Variants in CLIP2 observed in about 807,000 individuals in gnomAD.
CLIP2 encodes CAP-Gly domain-containing linker protein 2.
Under a neutral mutation model 111.7 loss-of-function variants are expected in CLIP2, and 41 were observed. The observed-to-expected ratio is 0.37, with a 90% CI of 0.29 to 0.48. CLIP2 has a LOEUF of 0.48. CLIP2 is among the 20% of genes least tolerant of loss of function. CLIP2 has a pLI of 0.99. For missense variants in CLIP2, 1,160 were observed against 1,422.1 expected (o/e 0.82, Z 2.96); for synonymous variants, 660 against 644.2 (o/e 1.02, Z -0.37).
intron 1 of CLIP2, among the ~76,000 whole-genome samples, chr7:74,294,074 G>A (rs570094703): frequency 3.0e-4 from 45 of 152,160 alleles, no homozygotes; most frequent in Middle Eastern, 3.4e-3. Flanking sequence ...GCGCCACCAC[G>A]CCTGGCTAAT....
At position 74,343,239 on chromosome 7, in the gene CLIP2, A is replaced by G. The variant is rs1035256131; in HGVS notation, c.678+4235A>G. ...GAGTGGAGCAGGAACGGCAGGGCCC[A>G]GGAAGGAGGCTGGACTCCTGGACCC... On this transcript the variant is annotated intron_variant, in intron 3 of 16. Coordinates refer to ENST00000223398, the MANE Select transcript of CLIP2 (RefSeq NM_003388.5). 4.0e-5 allele frequency among the ~76,000 whole-genome samples: 6 copies of G among 151,540 alleles called. No homozygotes were observed. In the East Asian group the frequency reaches 9.7e-4, roughly 25 times the overall value.
chr7:74,365,467 G>A (rs1554310659), intron 8 of CLIP2, among the ~76,000 whole-genome samples: 1 of 152,162 alleles, frequency 6.6e-6, no homozygotes, highest in Non-Finnish European at 1.5e-5. Context: ...TCTCGGCTCT[G>A]CTCTTCTCCC....
chr7:74,371,137 G>A (rs1463379713), intron 8 of CLIP2, among the ~76,000 whole-genome samples: 10 of 151,852 alleles, frequency 6.6e-5, no homozygotes, highest in African/African-American at 2.4e-4. Flanking sequence ...CCAGTTACTC[G>A]GGAGGCTGAG....
intron 2 of CLIP2, among the ~76,000 whole-genome samples, chr7:74,327,654 A>G (rs1399968387): frequency 6.6e-6 from 1 of 152,176 alleles, no homozygotes; most frequent in Non-Finnish European, 1.5e-5. Context: ...TCGGCTCTCC[A>G]CTGACCACAT....
chr7:74,333,030 G>A (rs1044180365), intron 2 of CLIP2, among the ~76,000 whole-genome samples: 7 of 152,132 alleles, frequency 4.6e-5, no homozygotes, highest in Non-Finnish European at 7.3e-5. Context: ...TATCCCCACC[G>A]GCTGCAGGAC....
At chr7:74,307,970 G>C (rs1554728000) in intron 1 of CLIP2, among the ~76,000 whole-genome samples, 2 of 152,170 alleles carry the variant, frequency 1.3e-5, no homozygotes, top group African/African-American at 4.8e-5. Context: ...GCTCAGGCTG[G>C]GTTCCCAGAG....
Position 74,353,827 on chromosome 7 carries a change from C to G in CLIP2, c.679-53C>G, listed in dbSNP as rs1790075036. ...AGCCTGGGCTGGGTGCCCCTGCCAT[C>G]TCTGCCTGTGCCACTGCATCCTCTA... On this transcript the variant is annotated intron_variant, in intron 3 of 16. Coordinates refer to ENST00000223398, the MANE Select transcript of CLIP2 (RefSeq NM_003388.5). 4 of 1,613,590 alleles carry G rather than the reference C, an allele frequency of 2.5e-6. No homozygotes were observed. In the Admixed American group the frequency reaches 6.7e-5, roughly 27 times the overall value.
chr7:74,391,624 AGCCT>A (rs1187348354), intron 13 of CLIP2, among the ~76,000 whole-genome samples: 11 of 152,036 alleles, frequency 7.2e-5, no homozygotes, highest in Admixed American at 2.0e-4. Context: ...GCTTGAGACC[AGCCT>A]GGTCAACATG....
In CLIP2 at chr7:74,363,580, G is replaced by A. The variant is rs376722028; in HGVS notation, c.1320-675G>A. ...TTCCTTGTGGTAGTGTCTGTTCCCCGCAGTGATGAAAACAGTGTTGTCAGC... is the reference window on the plus strand; with the variant it reads ...TTCCTTGTGGTAGTGTCTGTTCCCCACAGTGATGAAAACAGTGTTGTCAGC... On this transcript the variant is annotated intron_variant, in intron 7 of 16. Coordinates refer to ENST00000223398, the MANE Select transcript of CLIP2 (RefSeq NM_003388.5). 3.3e-5 allele frequency among the ~76,000 whole-genome samples: 5 copies of A among 152,218 alleles called. No homozygotes were observed. The East Asian group carries it at 9.7e-4, about 29-fold the overall frequency.
chr7:74,313,895 A>T (rs1287638798), intron 1 of CLIP2, among the ~76,000 whole-genome samples: 1 of 152,130 alleles, frequency 6.6e-6, no homozygotes, highest in Non-Finnish European at 1.5e-5. Context: ...GGATGGGGAA[A>T]ATGTAGGCTG....
At chr7:74,315,846 A>G (rs1788753794) in intron 1 of CLIP2, among the ~76,000 whole-genome samples, 1 of 150,488 alleles carries the variant, frequency 6.6e-6, no homozygotes, top group African/African-American at 2.4e-5. Context: ...TGTTGGGATT[A>G]CAGGCGTGAG....
chr7:74,309,410 A>C (rs188987577), intron 1 of CLIP2, among the ~76,000 whole-genome samples: 43 of 152,314 alleles, frequency 2.8e-4, no homozygotes, highest in Middle Eastern at 3.4e-3. Context: ...CTACCCAGAA[A>C]GTTCTCTGTG....
At chr7:74,374,741 A>G (rs1554312468) in intron 9 of CLIP2, among the ~76,000 whole-genome samples, 1 of 152,120 alleles carries the variant, frequency 6.6e-6, no homozygotes, top group East Asian at 1.9e-4. Flanking sequence ...AAAACCAAAA[A>G]ACAAAACAAT....
chr7:74,316,456 A>G (rs1466630758), intron 1 of CLIP2, among the ~76,000 whole-genome samples: 7 of 151,530 alleles, frequency 4.6e-5, no homozygotes, highest in African/African-American at 1.5e-4. Flanking sequence ...TTGCTACGCT[A>G]CCAAGGCTGG....
intron 4 of CLIP2, among the ~76,000 whole-genome samples, chr7:74,355,618 GA>G (rs548664224): frequency 1.3e-5 from 2 of 152,016 alleles, no homozygotes; most frequent in African/African-American, 2.4e-5. Context: ...TCGAAAGAAA[GA>G]AAAAAACTGG....
intron 2 of CLIP2, among the ~76,000 whole-genome samples, chr7:74,321,605 A>C (rs1788954629): frequency 2.6e-5 from 4 of 151,848 alleles, no homozygotes; most frequent in African/African-American, 7.3e-5. Context: ...AGTAGCTGGG[A>C]TTACAGGCGC....
chr7:74,325,011 T>G (rs1259393507), intron 2 of CLIP2, among the ~76,000 whole-genome samples: 1 of 152,016 alleles, frequency 6.6e-6, no homozygotes, highest in African/African-American at 2.4e-5. Flanking sequence ...GCTCGAGATG[T>G]GTGTGGCAGA....
intron 1 of CLIP2, among the ~76,000 whole-genome samples, chr7:74,315,837 G>A (rs184710429): frequency 8.6e-5 from 13 of 150,614 alleles, no homozygotes; most frequent in Non-Finnish European, 1.6e-4. Flanking sequence ...CTCTCAAGGT[G>A]TTGGGATTAC....
chr7:74,301,251 T>C (rs1788327876), intron 1 of CLIP2, among the ~76,000 whole-genome samples: 1 of 152,236 alleles, frequency 6.6e-6, no homozygotes, highest in Non-Finnish European at 1.5e-5. Context: ...TCTTTTTATG[T>C]CCGACTTCTT....
Sources: allele counts gnomAD v4.1 joint callset (sites outside exome capture counted in the v4.1 genomes callset), GRCh38; gene constraint gnomAD v4.1.1; transcripts MANE v1.5; gene names NCBI Gene and HGNC (gene_info 2026-07-23, HGNC 2026-07-21).